CENPP: variants seen among roughly 807,000 people sequenced by gnomAD.
CENPP encodes centromere protein P.
In CENPP, 24 loss-of-function variants were observed where a neutral mutation model predicts 35.6. That is an observed-to-expected ratio of 0.67 (90% CI 0.49 to 0.95). CENPP has a LOEUF of 0.95. Ranked by LOEUF, CENPP falls within the 40% of genes least tolerant of loss-of-function variation. CENPP has a pLI of 0.00. For synonymous variants in CENPP, 120 were observed against 125.5 expected (o/e 0.96, Z 0.29); for missense variants, 332 against 345.3 (o/e 0.96, Z 0.31).
chr9:92,361,578 C>G (rs921885634), intron 4 of CENPP, among the ~76,000 whole-genome samples: 3 of 151,772 alleles, frequency 2.0e-5, no homozygotes, highest in African/African-American at 7.3e-5. Context: ...TCCCCAGGTT[C>G]AAGTGATTCT....
At chr9:92,488,324 C>G (rs753339556) in intron 5 of CENPP, among the ~76,000 whole-genome samples, 16 of 152,122 alleles carry the variant, frequency 1.1e-4, no homozygotes, top group Non-Finnish European at 1.9e-4. Context: ...AACTTTAACT[C>G]TTTGATTTAT....
intron 5 of CENPP, chr9:92,514,610 G>A (rs1847568262): frequency 1.3e-6 from 2 of 1,543,440 alleles, no homozygotes; most frequent in Admixed American, 2.0e-5. Context: ...ACAAAATAAA[G>A]CAGAAGTCAA....
chr9:92,500,652 A>G, intron 5 of CENPP: 2 of 1,422,414 alleles, frequency 1.4e-6, no homozygotes, highest in African/African-American at 2.9e-5. Flanking sequence ...AATCCCAGAG[A>G]TCATGTCATG....
At chr9:92,545,609 C>T (rs1008570357) in intron 5 of CENPP, among the ~76,000 whole-genome samples, 4 of 152,202 alleles carry the variant, frequency 2.6e-5, no homozygotes, top group African/African-American at 4.8e-5. Flanking sequence ...TCCCACTGAC[C>T]GCCCAAGGGC....
chr9:92,552,539 T>C (rs1194472690), intron 5 of CENPP, among the ~76,000 whole-genome samples: 2 of 152,220 alleles, frequency 1.3e-5, no homozygotes, highest in East Asian at 3.9e-4. Context: ...TGGCCATTCT[T>C]GTAGGAGTAA....
intron 5 of CENPP, among the ~76,000 whole-genome samples, chr9:92,551,841 G>T (rs1849593057): frequency 6.7e-6 from 1 of 150,030 alleles, no homozygotes; most frequent in South Asian, 2.1e-4. Context: ...GTCATCCATG[G>T]TGTGTGTATA....
chr9:92,394,269 G>A (rs141556634), intron 5 of CENPP, among the ~76,000 whole-genome samples: 11 of 152,098 alleles, frequency 7.2e-5, no homozygotes, highest in Admixed American at 2.0e-4. Flanking sequence ...TTGAGACAGA[G>A]TCTTGCCCTG....
intron 4 of CENPP, among the ~76,000 whole-genome samples, chr9:92,360,323 A>T (rs567081543): frequency 6.6e-6 from 1 of 152,166 alleles, no homozygotes; most frequent in Non-Finnish European, 1.5e-5. Flanking sequence ...GGTAGTTTTC[A>T]TGTGAATTAT....
Position 92,615,523 on chromosome 9 carries a change from T to TA in CENPP, c.*2375dup. On this transcript the variant is annotated 3_prime_UTR_variant, in exon 8 of 8. Coordinates refer to ENST00000375587, the MANE Select transcript of CENPP (RefSeq NM_001012267.3). ...GGTCTTAGAATAAGGCTTTTCGCAT[T>TA]AGAGAATCAGACATGAGCCCTGGTT... is the stretch of plus-strand genomic sequence containing the variant. 1 of 305,420 alleles carries TA rather than the reference T, an allele frequency of 3.3e-6. No individual in the cohort carries two copies. The allele number at this position is 305,420 out of a possible 1,614,324, so 18.9% of individuals were successfully genotyped here. A position where few individuals can be genotyped will look rare whatever the true frequency, so the allele number is the denominator to read the frequency against.
chr9:92,513,974 G>A (rs533745810), intron 5 of CENPP, among the ~76,000 whole-genome samples: 6 of 152,288 alleles, frequency 3.9e-5, no homozygotes, highest in African/African-American at 1.4e-4. Context: ...ATTTGGAGGA[G>A]TTTGCTTTAT....
At chr9:92,420,504 C>T (rs1391983320) in intron 5 of CENPP, among the ~76,000 whole-genome samples, 1 of 152,170 alleles carries the variant, frequency 6.6e-6, no homozygotes, top group Non-Finnish European at 1.5e-5. Flanking sequence ...GATTCAAGAC[C>T]ACTAACCTCA....
chr9:92,446,383 T>G (rs1844552551), intron 5 of CENPP, among the ~76,000 whole-genome samples: 1 of 152,238 alleles, frequency 6.6e-6, no homozygotes, highest in Admixed American at 6.5e-5. Context: ...CCTCAGAGTC[T>G]ATAATAGAAA....
intron 5 of CENPP, among the ~76,000 whole-genome samples, chr9:92,444,426 C>T (rs955318549): frequency 2.0e-5 from 3 of 150,714 alleles, no homozygotes; most frequent in Admixed American, 2.0e-4. Context: ...TTGCAAAATT[C>T]TTCCATTCTA....
chr9:92,452,799 G>T (rs900326237), intron 5 of CENPP, among the ~76,000 whole-genome samples: 1 of 152,126 alleles, frequency 6.6e-6, no homozygotes, highest in East Asian at 1.9e-4. Flanking sequence ...TCTATTCAGA[G>T]ATTCAACTTC....
At chr9:92,461,626 A>T (rs1377866156) in intron 5 of CENPP, among the ~76,000 whole-genome samples, 1 of 152,196 alleles carries the variant, frequency 6.6e-6, no homozygotes, top group Non-Finnish European at 1.5e-5. Flanking sequence ...AGACATTCAG[A>T]TAAAAGCAAA....
Position 92,510,044 on chromosome 9 carries a change from C to G in CENPP, c.565-101270C>G, listed in dbSNP as rs537060047. On this transcript the variant is annotated intron_variant, in intron 5 of 7. Coordinates refer to ENST00000375587, the MANE Select transcript of CENPP (RefSeq NM_001012267.3). Reference sequence around the variant, plus strand: ...TTAACTTCTTCAGAAGCTTAAAAAGCAAATCTCAAAGTTACTTTTTTATCT... The same window carrying G: ...TTAACTTCTTCAGAAGCTTAAAAAGGAAATCTCAAAGTTACTTTTTTATCT... The G allele has an allele frequency of 1.3e-5, 21 of 1,585,268 alleles. No individual in the cohort carries two copies. The East Asian group carries it at 4.5e-4, about 34-fold the overall frequency.
intron 5 of CENPP, chr9:92,403,578 A>G: frequency 3.2e-6 from 4 of 1,241,354 alleles, no homozygotes; most frequent in Non-Finnish European, 4.0e-6. Context: ...ACAGTATTTA[A>G]CCCTTAGTGA....
chr9:92,381,803 C>T (rs1398664208), intron 5 of CENPP, among the ~76,000 whole-genome samples: 2 of 152,038 alleles, frequency 1.3e-5, no homozygotes, highest in African/African-American at 2.4e-5. Context: ...TGAAGAACCG[C>T]ATACTCTTTT....
At chr9:92,390,771 A>G (rs1166989761) in intron 5 of CENPP, among the ~76,000 whole-genome samples, 57 of 152,246 alleles carry the variant, frequency 3.7e-4, no homozygotes, top group East Asian at 1.9e-4. Context: ...ACACATTTCC[A>G]TCAACTATTA....
Sources: allele counts gnomAD v4.1 joint callset (sites outside exome capture counted in the v4.1 genomes callset), GRCh38; gene constraint gnomAD v4.1.1; transcripts MANE v1.5; gene names NCBI Gene and HGNC (gene_info 2026-07-23, HGNC 2026-07-21).